Variants in PDE7B observed in about 807,000 individuals in gnomAD.
PDE7B encodes 3',5'-cyclic-AMP phosphodiesterase 7B.
PDE7B carries 29 observed loss-of-function variants against 56.2 expected under a neutral mutation model. The ratio of observed to expected loss-of-function variants is 0.52; its 90% CI spans 0.38 to 0.70. The LOEUF is 0.70. Ranked by LOEUF, PDE7B falls within the 30% of genes least tolerant of loss-of-function variation. The pLI is 0.00. For missense variants in PDE7B, 490 were observed against 565.0 expected, an observed-to-expected ratio of 0.87 and a Z score of 1.35; for synonymous variants, 197 against 196.9, an observed-to-expected ratio of 1.00 and a Z score of 0.00.
intron 10 of PDE7B, among the ~76,000 whole-genome samples, chr6:136,180,410 CACTT>C (rs948829881): frequency 6.6e-6 from 1 of 152,128 alleles, no homozygotes; most frequent in Admixed American, 6.5e-5. Flanking sequence ...GCTTCTCTGA[CACTT>C]ACCTCTACTT....
chr6:136,014,366 A>C (rs1169994236), intron 2 of PDE7B, among the ~76,000 whole-genome samples: 1 of 152,140 alleles, frequency 6.6e-6, no homozygotes, highest in Non-Finnish European at 1.5e-5. Context: ...ATTTATATGC[A>C]TTTCCTGTTT....
intron 2 of PDE7B, among the ~76,000 whole-genome samples, chr6:136,068,521 C>T (rs981211006): frequency 2.0e-5 from 3 of 150,002 alleles, no homozygotes; most frequent in African/African-American, 7.3e-5. Context: ...AGCTCCGCCT[C>T]CCGGGTTCAC....
chr6:136,159,346 C>A (rs960922391), intron 8 of PDE7B, among the ~76,000 whole-genome samples: 2 of 152,128 alleles, frequency 1.3e-5, no homozygotes, highest in South Asian at 2.1e-4. Context: ...ATAAAAGGAG[C>A]CTCAAATTTG....
intron 2 of PDE7B, among the ~76,000 whole-genome samples, chr6:136,058,645 A>T (rs1196744460): frequency 6.6e-6 from 1 of 152,144 alleles, no homozygotes; most frequent in Non-Finnish European, 1.5e-5. Context: ...AGGCTTATAA[A>T]CCTCATCTTT....
chr6:135,876,093 G>A (rs1269397145), intron 1 of PDE7B, among the ~76,000 whole-genome samples: 1 of 152,138 alleles, frequency 6.6e-6, no homozygotes, highest in Admixed American at 6.5e-5. Flanking sequence ...TAAAAGGGGA[G>A]GGAGAAGAAA....
chr6:135,964,308 T>C (rs1206296034), intron 2 of PDE7B, among the ~76,000 whole-genome samples: 1 of 152,028 alleles, frequency 6.6e-6, no homozygotes, highest in African/African-American at 2.4e-5. Flanking sequence ...TTTCACCATA[T>C]TGGCCAGGCT....
chr6:136,161,937 G>A (rs1055788681), intron 8 of PDE7B: 3 of 152,176 alleles, frequency 2.0e-5, no homozygotes, highest in African/African-American at 7.2e-5. Context: ...TGCCCATGGG[G>A]ATATGTGAAG....
chr6:135,975,072 T>C (rs1029032629), intron 2 of PDE7B, among the ~76,000 whole-genome samples: 3 of 128,202 alleles, frequency 2.3e-5, no homozygotes, highest in African/African-American at 1.2e-4. Flanking sequence ...GAGCAGCAGC[T>C]GCTGCTCTGC....
chr6:135,917,584 G>T (rs1013097258), intron 1 of PDE7B, among the ~76,000 whole-genome samples: 2 of 151,154 alleles, frequency 1.3e-5, no homozygotes, highest in African/African-American at 4.9e-5. Flanking sequence ...TTTCAAGTCT[G>T]CCTCTATTGA....
chr6:136,108,570 T>G (rs919662740), intron 2 of PDE7B, among the ~76,000 whole-genome samples, 161 bp from the exon 3 acceptor site: 19 of 152,264 alleles, frequency 1.2e-4, no homozygotes, highest in African/African-American at 4.3e-4. Context: ...CTCATTACAC[T>G]CAGTATTAAA....
At chr6:136,019,390 A>G (rs552803474) in intron 2 of PDE7B, among the ~76,000 whole-genome samples, 48 of 152,080 alleles carry the variant, frequency 3.2e-4, no homozygotes, top group Middle Eastern at 6.8e-3. Context: ...CTGAAAAAAA[A>G]AGAAGGAAAA....
chr6:136,009,414 A>T (rs1349284124), intron 2 of PDE7B, among the ~76,000 whole-genome samples: 1 of 152,010 alleles, frequency 6.6e-6, no homozygotes, highest in African/African-American at 2.4e-5. Context: ...GAATCTATAA[A>T]TTACCTTGGG....
intron 2 of PDE7B, chr6:136,096,373 T>C (rs1777470945): frequency 6.6e-6 from 1 of 151,812 alleles, no homozygotes; most frequent in Non-Finnish European, 1.5e-5. Context: ...TATTCAAAGT[T>C]CAAAAAAACA....
chr6:135,930,204 T>C (rs1426622444), intron 1 of PDE7B, among the ~76,000 whole-genome samples: 1 of 152,056 alleles, frequency 6.6e-6, no homozygotes, highest in African/African-American at 2.4e-5. Flanking sequence ...AGAGAGCTTG[T>C]GTGGGGAAAC....
intron 2 of PDE7B, among the ~76,000 whole-genome samples, chr6:136,084,789 T>G (rs1467555143): frequency 6.6e-6 from 1 of 152,210 alleles, no homozygotes. Flanking sequence ...ATCTTTATGT[T>G]CTCCCTTTAA....
At chr6:135,891,142 G>A (rs1470011909) in intron 1 of PDE7B, among the ~76,000 whole-genome samples, 1 of 152,182 alleles carries the variant, frequency 6.6e-6, no homozygotes, top group East Asian at 1.9e-4. Flanking sequence ...CTCGGCATAA[G>A]CCAAAGAGCA....
At chr6:136,027,114 G>A (rs1288894666) in intron 2 of PDE7B, among the ~76,000 whole-genome samples, 1 of 152,170 alleles carries the variant, frequency 6.6e-6, no homozygotes, top group African/African-American at 2.4e-5. Context: ...GCCCTCACCA[G>A]AATCTGACCA....
chr6:136,077,082 T>G, intron 2 of PDE7B, among the ~76,000 whole-genome samples: 1 of 108,338 alleles, frequency 9.2e-6, no homozygotes, highest in Non-Finnish European at 1.7e-5. Flanking sequence ...AATCAGGATA[T>G]AAACAGAGAA....
At position 135,866,341 on chromosome 6, in the gene PDE7B, T is replaced by C. The variant is rs374574156; in HGVS notation, c.21+14322T>C. 4.6e-5 allele frequency among the ~76,000 whole-genome samples: 7 copies of C among 152,332 alleles called. No individual in the cohort carries two copies. The East Asian group carries it at 1.2e-3, about 25-fold the overall frequency. On this transcript the variant is annotated intron_variant, in intron 1 of 12. Transcript: ENST00000308191. ...AGAAGTATTTATCAAAATCATAAAC[T>C]AAGTAAATAATAATATGTTCACCTT... is the stretch of plus-strand genomic sequence containing the variant.
Sources: gnomAD v4.1 joint callset for allele counts (sites outside exome capture counted in the v4.1 genomes callset) on GRCh38, gnomAD v4.1.1 for gene constraint, MANE v1.5 for transcripts, NCBI Gene and HGNC (gene_info 2026-07-23, HGNC 2026-07-21) for gene names.